Variants in PCDH9 observed in about 807,000 individuals in gnomAD.
PCDH9 encodes the protein protocadherin-9.
A neutral mutation model predicts 70.6 loss-of-function variants in PCDH9; 24 were observed. The ratio of observed to expected loss-of-function variants is 0.34; its 90% CI spans 0.25 to 0.48. The LOEUF is 0.48. PCDH9 is among the 20% of genes least tolerant of loss of function. PCDH9 has a pLI of 0.99. For missense variants in PCDH9, 1,281 were observed against 1,503.6 expected, an observed-to-expected ratio of 0.85 and a Z score of 2.45; for synonymous variants, 562 against 558.5, an observed-to-expected ratio of 1.01 and a Z score of -0.09.
At chr13:66,373,079 C>T (rs1000830550) in intron 4 of PCDH9, among the ~76,000 whole-genome samples, 6 of 151,790 alleles carry the variant, frequency 4.0e-5, no homozygotes, top group Non-Finnish European at 8.8e-5. Flanking sequence ...TGAAAACAAT[C>T]GAAAAGGTCA....
At chr13:66,691,906 A>G (rs951071644) in intron 3 of PCDH9, among the ~76,000 whole-genome samples, 3 of 152,294 alleles carry the variant, frequency 2.0e-5, no homozygotes, top group East Asian at 1.9e-4. Context: ...TCCTTTGAAA[A>G]TACTACTACC....
intron 4 of PCDH9, among the ~76,000 whole-genome samples, chr13:66,545,798 T>TTTTTA (rs1359710072): frequency 2.0e-4 from 25 of 123,564 alleles, no homozygotes; most frequent in South Asian, 3.4e-4. Flanking sequence ...ATACCTTTCA[T>TTTTTA]TTTTATTTTA....
chr13:66,549,286 GA>G (rs1184592737), intron 4 of PCDH9, among the ~76,000 whole-genome samples: 2 of 152,074 alleles, frequency 1.3e-5, no homozygotes, highest in Admixed American at 6.6e-5. Context: ...GTTTTGAGGG[GA>G]GGGGGAAGGA....
intron 2 of PCDH9, among the ~76,000 whole-genome samples, chr13:67,174,325 A>T (rs891460089): frequency 1.3e-5 from 2 of 151,726 alleles, no homozygotes; most frequent in Non-Finnish European, 2.9e-5. Context: ...ATACATACAT[A>T]CATACATACA....
chr13:66,462,358 C>T lies in PCDH9; in HGVS notation c.3341-157330G>A, dbSNP rs140404400. Among the ~76,000 whole-genome samples the T allele has an allele frequency of 1.4e-4, 22 of 151,796 alleles. No homozygotes were observed. The East Asian group carries it at 3.3e-3, about 23-fold the overall frequency. ...TTTATGGTTTGAAGAATTAAAGTGC[C>T]GTTATCAGAAATAAGGAAGTCAGGA... On this transcript the variant is annotated intron_variant, in intron 4 of 4. Transcript: ENST00000377865.
chr13:66,578,403 A>T (rs1345474347), intron 4 of PCDH9, among the ~76,000 whole-genome samples: 1 of 151,886 alleles, frequency 6.6e-6, no homozygotes, highest in Non-Finnish European at 1.5e-5. Context: ...CTTTAGAGTG[A>T]CGATAATAGC....
intron 2 of PCDH9, among the ~76,000 whole-genome samples, chr13:67,106,752 C>T (rs2086552933): frequency 6.6e-6 from 1 of 152,346 alleles, no homozygotes; most frequent in Non-Finnish European, 1.5e-5. Flanking sequence ...TCTGCCCCTG[C>T]AGGCTCAGAA....
chr13:66,970,401 G>T (rs1454495924), intron 2 of PCDH9, among the ~76,000 whole-genome samples: 1 of 151,668 alleles, frequency 6.6e-6, no homozygotes, highest in East Asian at 1.9e-4. Flanking sequence ...GGCCAAGGAG[G>T]GTGGATCACT....
At chr13:67,145,551 A>G (rs1350033462) in intron 2 of PCDH9, among the ~76,000 whole-genome samples, 1 of 152,022 alleles carries the variant, frequency 6.6e-6, no homozygotes, top group East Asian at 1.9e-4. Flanking sequence ...ATTATAATCC[A>G]CATTATAGTT....
At chr13:66,473,384 T>G (rs1409304433) in intron 4 of PCDH9, among the ~76,000 whole-genome samples, 1 of 103,826 alleles carries the variant, frequency 9.6e-6, no homozygotes. Context: ...AAGCTATATG[T>G]TTTTTTTTCA....
At chr13:66,956,945 C>T (rs1448637645) in intron 2 of PCDH9, among the ~76,000 whole-genome samples, 1 of 152,102 alleles carries the variant, frequency 6.6e-6, no homozygotes, top group African/African-American at 2.4e-5. Flanking sequence ...ACCCTGGCTT[C>T]CAAGTTGGTT....
At chr13:67,096,627 T>TTA (rs2086326255) in intron 2 of PCDH9, among the ~76,000 whole-genome samples, 2 of 152,150 alleles carry the variant, frequency 1.3e-5, no homozygotes, top group South Asian at 4.1e-4. Context: ...AGTTCATCAC[T>TTA]TACACTGCTG....
chr13:67,173,318 A>G (rs1174575753), intron 2 of PCDH9, among the ~76,000 whole-genome samples: 1 of 152,214 alleles, frequency 6.6e-6, no homozygotes, highest in Non-Finnish European at 1.5e-5. Context: ...ACCACCTAAG[A>G]GGTACAGGTA....
At chr13:66,988,023 C>T (rs1289611125) in intron 2 of PCDH9, among the ~76,000 whole-genome samples, 1 of 151,756 alleles carries the variant, frequency 6.6e-6, no homozygotes. Flanking sequence ...CCTCAGCTTC[C>T]CTGGTAGATG....
intron 3 of PCDH9, among the ~76,000 whole-genome samples, chr13:66,869,002 T>C (rs1298209791): frequency 1.3e-5 from 2 of 152,174 alleles, no homozygotes; most frequent in African/African-American, 4.8e-5. Context: ...TATTAATTCA[T>C]AGGTTTGGCT....
intron 4 of PCDH9, among the ~76,000 whole-genome samples, chr13:66,625,644 G>A (rs1366649390): frequency 7.1e-6 from 1 of 141,210 alleles, no homozygotes; most frequent in African/African-American, 2.6e-5. Context: ...CTCCACTTTT[G>A]GCCAACATAT....
Position 66,456,907 on chromosome 13 carries a change from T to C in PCDH9, c.3341-151879A>G, listed in dbSNP as rs536654486. Among the ~76,000 whole-genome samples the C allele has an allele frequency of 5.3e-5, 8 of 152,244 alleles. No individual in the cohort carries two copies. The East Asian group carries it at 9.7e-4, about 18-fold the overall frequency. On this transcript the variant is annotated intron_variant, in intron 4 of 4. Coordinates refer to ENST00000377865, the MANE Select transcript of PCDH9 (RefSeq NM_203487.3). The stretch of plus-strand genomic sequence containing the variant: ...TGTTAAACCTTACCTTTTTGCTGTA[T>C]TTTATTGAGATATTATTTAAGGATG...
chr13:67,084,499 T>C (rs1788370259), intron 2 of PCDH9, among the ~76,000 whole-genome samples: 1 of 152,166 alleles, frequency 6.6e-6, no homozygotes, highest in African/African-American at 2.4e-5. Flanking sequence ...ACCATACTCC[T>C]TCCTTTAAAA....
chr13:66,930,743 C>G (rs1209339277), intron 2 of PCDH9, among the ~76,000 whole-genome samples: 1 of 151,918 alleles, frequency 6.6e-6, no homozygotes, highest in African/African-American at 2.4e-5. Context: ...AAAAAACAAG[C>G]AATAGCATAA....
Sources: allele counts gnomAD v4.1 joint callset (sites outside exome capture counted in the v4.1 genomes callset), GRCh38; gene constraint gnomAD v4.1.1; transcripts MANE v1.5; gene names NCBI Gene and HGNC (gene_info 2026-07-23, HGNC 2026-07-21).